MAF: variants seen among roughly 807,000 people sequenced by gnomAD.
MAF encodes transcription factor Maf.
In MAF, 10 loss-of-function variants were observed where a neutral mutation model predicts 22.0. That is an observed-to-expected ratio of 0.45 (90% CI 0.28 to 0.77). The LOEUF is 0.77. MAF is among the 30% of genes least tolerant of loss of function. MAF has a pLI of 0.12. For missense variants in MAF, 544 were observed against 548.4 expected, an observed-to-expected ratio of 0.99 and a Z score of 0.08; for synonymous variants, 337 against 255.8, an observed-to-expected ratio of 1.32 and a Z score of -3.03.
At chr16:79,598,307 A>G in intron 1 of MAF, 1 of 1,099,496 alleles carries the variant, frequency 9.1e-7, no homozygotes. Flanking sequence ...ACACACACAG[A>G]AAATGAACAC....
At chr16:79,399,614 G>A in the MAF span, among the ~76,000 whole-genome samples, 1 of 152,112 alleles carries the variant, frequency 6.6e-6, no homozygotes, top group Non-Finnish European at 1.5e-5. Flanking sequence ...CCCAGCCAGG[G>A]AGGGGTGTTT....
At chr16:79,213,199 G>C in the MAF span, among the ~76,000 whole-genome samples, 3 of 152,162 alleles carry the variant, frequency 2.0e-5, no homozygotes, top group Non-Finnish European at 4.4e-5. Flanking sequence ...GGAAGGTGTG[G>C]AGGCTGGGTG....
the MAF span, among the ~76,000 whole-genome samples, chr16:79,366,524 T>C: frequency 1.3e-5 from 2 of 152,248 alleles, no homozygotes; most frequent in South Asian, 4.1e-4. Flanking sequence ...CCTGACCTTC[T>C]AGACACATGA....
At chr16:79,319,186 G>GT in the MAF span, among the ~76,000 whole-genome samples, 1 of 152,176 alleles carries the variant, frequency 6.6e-6, no homozygotes, top group Non-Finnish European at 1.5e-5. Flanking sequence ...CTTTGGGGAG[G>GT]TGGGGGGAGG....
chr16:79,274,333 G>C, the MAF span, among the ~76,000 whole-genome samples: 13 of 151,302 alleles, frequency 8.6e-5, no homozygotes, highest in African/African-American at 2.4e-4. Flanking sequence ...CCATAAACCC[G>C]TGCTCACTCA....
At chr16:79,532,523 G>T in the MAF span, among the ~76,000 whole-genome samples, 9 of 152,142 alleles carry the variant, frequency 5.9e-5, no homozygotes, top group African/African-American at 1.9e-4. Flanking sequence ...GACTGTTCTC[G>T]ACTCCGGAGA....
chr16:79,489,523 G>A, the MAF span, among the ~76,000 whole-genome samples: 3 of 152,216 alleles, frequency 2.0e-5, no homozygotes, highest in Admixed American at 2.0e-4. Flanking sequence ...CAACAGTAGA[G>A]GGAGGAACTT....
At chr16:79,346,185 C>T in the MAF span, among the ~76,000 whole-genome samples, 3 of 145,712 alleles carry the variant, frequency 2.1e-5, no homozygotes, top group South Asian at 4.4e-4. Context: ...CCGCTCCCCC[C>T]ACCCCACTAC....
At chr16:79,574,709 G>C in the MAF span, among the ~76,000 whole-genome samples, 1 of 152,134 alleles carries the variant, frequency 6.6e-6, no homozygotes, top group Non-Finnish European at 1.5e-5. Flanking sequence ...TTCAAACTGA[G>C]GCTTCTAGAC....
At chr16:79,494,865 C>T in the MAF span, among the ~76,000 whole-genome samples, 1 of 152,118 alleles carries the variant, frequency 6.6e-6, no homozygotes, top group African/African-American at 2.4e-5. Context: ...TCCCAAGACT[C>T]CCTCCTTGGG....
chr16:79,304,651 G>A, the MAF span, among the ~76,000 whole-genome samples: 4 of 152,144 alleles, frequency 2.6e-5, no homozygotes, highest in Admixed American at 6.6e-5. Context: ...GGTGGTGGGA[G>A]TTCTTAAACA....
chr16:79,390,795 G>A, the MAF span, among the ~76,000 whole-genome samples: 2 of 152,102 alleles, frequency 1.3e-5, no homozygotes, highest in African/African-American at 2.4e-5. Flanking sequence ...TCTGATAACC[G>A]GGCCACAGTG....
chr16:79,522,552 G>A, the MAF span, among the ~76,000 whole-genome samples: 1 of 152,192 alleles, frequency 6.6e-6, no homozygotes, highest in African/African-American at 2.4e-5. Flanking sequence ...CATGTCAACA[G>A]CCTTCCTAAT....
chr16:79,428,752 G>A, the MAF span, among the ~76,000 whole-genome samples: 1 of 152,000 alleles, frequency 6.6e-6, no homozygotes, highest in South Asian at 2.1e-4. Context: ...GGCTGAGGTG[G>A]GAGTATTGCT....
chr16:79,358,569 A>G, the MAF span, among the ~76,000 whole-genome samples: 1 of 152,158 alleles, frequency 6.6e-6, no homozygotes, highest in Admixed American at 6.5e-5. Flanking sequence ...GACTGCAGTG[A>G]AGGATCCCAC....
chr16:79,451,893 A>T, the MAF span, among the ~76,000 whole-genome samples: 2 of 152,240 alleles, frequency 1.3e-5, no homozygotes, highest in Non-Finnish European at 2.9e-5. Flanking sequence ...CAAACTAGGT[A>T]GAGCAAATTT....
At chr16:79,460,014 A>C in the MAF span, among the ~76,000 whole-genome samples, 2 of 152,206 alleles carry the variant, frequency 1.3e-5, no homozygotes, top group African/African-American at 4.8e-5. Context: ...TCACCAGGTT[A>C]ACCTCCAAAA....
At chr16:79,282,420 G>C in the MAF span, among the ~76,000 whole-genome samples, 1 of 152,118 alleles carries the variant, frequency 6.6e-6, no homozygotes, top group Non-Finnish European at 1.5e-5. Flanking sequence ...TCAGTGATGT[G>C]GGCACTAGGG....
the MAF span, among the ~76,000 whole-genome samples, chr16:79,243,893 G>T: frequency 4.8e-3 from 734 of 152,110 alleles, 5 homozygotes; most frequent in African/African-American, 0.017. Context: ...TTATCCCTGG[G>T]ATGCAAGGTT....
Sources: allele counts gnomAD v4.1 joint callset (sites outside exome capture counted in the v4.1 genomes callset), GRCh38; gene constraint gnomAD v4.1.1; transcripts MANE v1.5; gene names NCBI Gene and HGNC (gene_info 2026-07-23, HGNC 2026-07-21).